The following ROBO1 variants were observed in gnomAD, a reference collection of about 807,000 sequenced individuals.
The protein encoded by ROBO1 is roundabout homolog 1.
Under a neutral mutation model 195.9 loss-of-function variants are expected in ROBO1, and 149 were observed. That is an observed-to-expected ratio of 0.76 (90% confidence interval 0.67 to 0.87). The LOEUF is 0.87. Among genes scored for constraint, ROBO1 ranks in the 40% least tolerant of loss-of-function variants. The pLI is 0.00. For synonymous variants in ROBO1, 816 were observed against 733.2 expected, an observed-to-expected ratio of 1.11 and a Z score of -1.82; for missense variants, 1,933 against 2,068.3, an observed-to-expected ratio of 0.93 and a Z score of 1.27.
intron 28 of ROBO1, among the ~76,000 whole-genome samples, chr3:78,610,747 T>C (rs1703761946): frequency 6.6e-6 from 1 of 152,208 alleles, no homozygotes; most frequent in African/African-American, 2.4e-5. Flanking sequence ...AACCTGATGA[T>C]AATTTAAAGA....
At chr3:79,465,404 G>T (rs1024554717) in intron 2 of ROBO1, among the ~76,000 whole-genome samples, 4 of 151,908 alleles carry the variant, frequency 2.6e-5, no homozygotes, top group Non-Finnish European at 5.9e-5. Context: ...TGTTGGTTAC[G>T]CATTTTTGTC....
chr3:79,745,680 C>T (rs1425334699), intron 1 of ROBO1, among the ~76,000 whole-genome samples: 1 of 151,968 alleles, frequency 6.6e-6, no homozygotes, highest in Non-Finnish European at 1.5e-5. Flanking sequence ...AAAGAGATAG[C>T]CAAGGTGTAA....
chr3:79,470,854 C>T (rs1159198741), intron 2 of ROBO1, among the ~76,000 whole-genome samples: 1 of 152,126 alleles, frequency 6.6e-6, no homozygotes, highest in East Asian at 1.9e-4. Flanking sequence ...TTATAAATTA[C>T]CCAGTCTTGC....
intron 8 of ROBO1, among the ~76,000 whole-genome samples, chr3:78,708,530 T>C (rs978825845): frequency 2.0e-5 from 3 of 152,180 alleles, no homozygotes; most frequent in Admixed American, 6.6e-5. Flanking sequence ...TTGGCCATCA[T>C]CTGATTCTAA....
chr3:79,730,915 C>T (rs1210351218), intron 1 of ROBO1, among the ~76,000 whole-genome samples: 10 of 151,440 alleles, frequency 6.6e-5, no homozygotes, highest in African/African-American at 2.4e-4. Context: ...GTAGCTGGGA[C>T]TACAGGTGCC....
chr3:79,399,352 C>T (rs572548913), intron 2 of ROBO1, among the ~76,000 whole-genome samples: 1 of 152,220 alleles, frequency 6.6e-6, no homozygotes, highest in South Asian at 2.1e-4. Context: ...CGGCTGCCCC[C>T]CGACCTCCCA....
At chr3:79,071,649 T>C (rs1334756179) in intron 3 of ROBO1, among the ~76,000 whole-genome samples, 1 of 151,646 alleles carries the variant, frequency 6.6e-6, no homozygotes, top group Non-Finnish European at 1.5e-5. Flanking sequence ...TTTATGATAA[T>C]TCCTCAACTT....
At chr3:79,116,908 T>A (rs925001693) in intron 3 of ROBO1, among the ~76,000 whole-genome samples, 5 of 152,354 alleles carry the variant, frequency 3.3e-5, no homozygotes, top group African/African-American at 1.2e-4. Context: ...AAAGTTTGTA[T>A]AAATGTTATT....
chr3:79,005,662 A>T (rs1576550192), intron 3 of ROBO1, among the ~76,000 whole-genome samples: 1 of 152,212 alleles, frequency 6.6e-6, no homozygotes, highest in Admixed American at 6.5e-5. Flanking sequence ...TGAATTATGC[A>T]CAAGATTCCT....
chr3:78,610,190 T>C (rs1168994006), intron 28 of ROBO1, among the ~76,000 whole-genome samples: 1 of 152,218 alleles, frequency 6.6e-6, no homozygotes, highest in East Asian at 1.9e-4. Flanking sequence ...CAAGTTTTTT[T>C]GTCTTGCAAG....
chr3:78,944,788 C>T (rs948383651), intron 3 of ROBO1, among the ~76,000 whole-genome samples: 10 of 152,154 alleles, frequency 6.6e-5, no homozygotes, highest in African/African-American at 2.4e-4. Context: ...ACAGATGGCA[C>T]CTGGAAAATC....
chr3:78,699,395 CAAAAA>C (rs60574193), intron 8 of ROBO1, among the ~76,000 whole-genome samples: 2 of 83,048 alleles, frequency 2.4e-5, no homozygotes, highest in African/African-American at 9.5e-5. Context: ...ACTAAAAATA[CAAAAA>C]AAAAAAAAAA....
intron 2 of ROBO1, among the ~76,000 whole-genome samples, chr3:79,250,526 G>A (rs908916940): frequency 5.3e-5 from 8 of 151,996 alleles, no homozygotes; most frequent in Admixed American, 5.2e-4. Flanking sequence ...TTCAAGCTAT[G>A]TTTTCTGGCT....
At chr3:78,776,539 C>T (rs1044101920) in intron 4 of ROBO1, among the ~76,000 whole-genome samples, 15 of 152,174 alleles carry the variant, frequency 9.9e-5, no homozygotes, top group Admixed American at 2.6e-4. Flanking sequence ...CGTGAGCCAC[C>T]GCACCCAGCC....
intron 10 of ROBO1, among the ~76,000 whole-genome samples, chr3:78,678,729 C>T (rs7631285): frequency 0.43 from 65,604 of 151,834 alleles, 14,942 homozygotes; most frequent in Middle Eastern, 0.55. Flanking sequence ...GATTCACAGC[C>T]GAATTCTACC....
intron 2 of ROBO1, among the ~76,000 whole-genome samples, chr3:79,433,376 T>C (rs1165438496): frequency 6.6e-6 from 1 of 152,160 alleles, no homozygotes; most frequent in Non-Finnish European, 1.5e-5. Flanking sequence ...TGACATGATC[T>C]TGTAAAACAC....
In ROBO1 at chr3:79,112,755, G is replaced by A. The variant is rs536501143; in HGVS notation, c.172+12701C>T. Among the ~76,000 whole-genome samples, 5 of 149,936 alleles carry A rather than the reference G, an allele frequency of 3.3e-5. No homozygotes were observed. The East Asian group carries it at 8.1e-4, about 24-fold the overall frequency. Reference sequence around the variant, plus strand: ...GGGAACATCACACACCCACACTGGGGCCTGTTGTGGGGTGCGGGGAGGGGG... The same window carrying A: ...GGGAACATCACACACCCACACTGGGACCTGTTGTGGGGTGCGGGGAGGGGG... On this transcript the variant is annotated intron_variant, in intron 3 of 30. Coordinates refer to ENST00000464233, the MANE Select transcript of ROBO1 (RefSeq NM_002941.4).
chr3:79,730,785 T>G (rs1281115690), intron 1 of ROBO1, among the ~76,000 whole-genome samples: 2 of 107,370 alleles, frequency 1.9e-5, no homozygotes. Context: ...TTTTTTTTTT[T>G]TTTTTTTTTT....
intron 2 of ROBO1, among the ~76,000 whole-genome samples, chr3:79,392,187 T>C (rs2036978361): frequency 1.3e-5 from 2 of 152,186 alleles, no homozygotes; most frequent in African/African-American, 4.8e-5. Flanking sequence ...ATTCAAACCA[T>C]CTGGCACATA....
Sources: allele counts gnomAD v4.1 joint callset (sites outside exome capture counted in the v4.1 genomes callset), GRCh38; gene constraint gnomAD v4.1.1; transcripts MANE v1.5; gene names NCBI Gene and HGNC (gene_info 2026-07-23, HGNC 2026-07-21).